Variants in CDH2 observed in about 807,000 individuals in gnomAD.
CDH2 encodes the protein cadherin-2.
In CDH2, 17 loss-of-function variants were observed where a neutral mutation model predicts 92.0. The ratio of observed to expected loss-of-function variants is 0.18; its 90% CI spans 0.13 to 0.28. The LOEUF (loss-of-function observed/expected upper bound fraction) is 0.28, where lower values mean the gene tolerates loss of function less well. Among genes scored for constraint, CDH2 ranks in the 10% least tolerant of loss-of-function variants. The pLI is 1.00. For missense variants in CDH2, 862 were observed against 1,133.1 expected, an observed-to-expected ratio of 0.76 and a Z score of 3.44; for synonymous variants, 419 against 415.9, an observed-to-expected ratio of 1.01 and a Z score of -0.09.
chr18:27,979,148 C>A (rs1040605935), intron 14 of CDH2, among the ~76,000 whole-genome samples: 2 of 152,052 alleles, frequency 1.3e-5, no homozygotes, highest in Admixed American at 1.3e-4. Flanking sequence ...TCTATAAGGA[C>A]CTCCTACAAG....
intron 2 of CDH2, among the ~76,000 whole-genome samples, chr18:28,143,129 T>C (rs2015981113): frequency 6.6e-6 from 1 of 152,064 alleles, no homozygotes; most frequent in Non-Finnish European, 1.5e-5. Flanking sequence ...AATGGATTAC[T>C]GAAAATATTC....
At chr18:28,174,935 T>C (rs1001712405) in intron 1 of CDH2, among the ~76,000 whole-genome samples, 6 of 152,184 alleles carry the variant, frequency 3.9e-5, no homozygotes, top group Admixed American at 2.0e-4. Flanking sequence ...AAAGTAAGAT[T>C]TGTAAAAAAT....
At chr18:28,054,036 C>T (rs1049830275) in intron 2 of CDH2, among the ~76,000 whole-genome samples, 2 of 152,130 alleles carry the variant, frequency 1.3e-5, no homozygotes, top group Admixed American at 6.5e-5. Context: ...AAGGGTGAGT[C>T]TGTGCTGTGA....
chr18:28,083,806 C>T (rs2014876397), intron 2 of CDH2, among the ~76,000 whole-genome samples: 1 of 152,122 alleles, frequency 6.6e-6, no homozygotes, highest in Non-Finnish European at 1.5e-5. Context: ...ACTAGTTAGC[C>T]CCAGGCCAGG....
At chr18:28,022,118 T>C (rs1278988905) in intron 2 of CDH2, among the ~76,000 whole-genome samples, 1 of 151,912 alleles carries the variant, frequency 6.6e-6, no homozygotes, top group Non-Finnish European at 1.5e-5. Context: ...AATTTGCTCA[T>C]AAATCTGAAA....
chr18:28,034,888 T>C (rs2013788037), intron 2 of CDH2, among the ~76,000 whole-genome samples: 1 of 152,028 alleles, frequency 6.6e-6, no homozygotes, highest in Non-Finnish European at 1.5e-5. Context: ...CCTCTAAAAG[T>C]AATGGATGTC....
chr18:28,049,502 G>A (rs1235268974), intron 2 of CDH2, among the ~76,000 whole-genome samples: 1 of 152,174 alleles, frequency 6.6e-6, no homozygotes, highest in African/African-American at 2.4e-5. Context: ...GATAACACGG[G>A]TGGAAAACAT....
intron 7 of CDH2, 23 bp downstream of exon 7, chr18:28,002,974 A>G: frequency 1.2e-6 from 2 of 1,608,022 alleles, no homozygotes; most frequent in Non-Finnish European, 1.7e-6. Context: ...AACAAACACA[A>G]ATAGAGTTTT....
At chr18:27,997,908 G>A (rs1010683860) in intron 7 of CDH2, among the ~76,000 whole-genome samples, 4 of 151,966 alleles carry the variant, frequency 2.6e-5, no homozygotes, top group African/African-American at 9.7e-5. Context: ...CCGGGTTCAC[G>A]CCATTCTCCT....
At chr18:28,040,272 A>C (rs1465197330) in intron 2 of CDH2, among the ~76,000 whole-genome samples, 1 of 152,054 alleles carries the variant, frequency 6.6e-6, no homozygotes, top group Non-Finnish European at 1.5e-5. Context: ...TAGTAATAGT[A>C]CTCCTAACTT....
At chr18:27,979,042 C>T (rs914678257) in intron 14 of CDH2, among the ~76,000 whole-genome samples, 9 of 151,976 alleles carry the variant, frequency 5.9e-5, no homozygotes, top group Non-Finnish European at 8.8e-5. Flanking sequence ...AAAAAAACTT[C>T]TGTTCACCTA....
At chr18:28,078,593 C>T (rs2014769347) in intron 2 of CDH2, among the ~76,000 whole-genome samples, 1 of 152,008 alleles carries the variant, frequency 6.6e-6, no homozygotes, top group African/African-American at 2.4e-5. Flanking sequence ...CCTGCCTCAA[C>T]TCCCTCATAT....
At chr18:28,054,169 C>T (rs1567980777) in intron 2 of CDH2, among the ~76,000 whole-genome samples, 1 of 152,120 alleles carries the variant, frequency 6.6e-6, no homozygotes, top group East Asian at 1.9e-4. Flanking sequence ...TACTAGAATA[C>T]AAGGAATCCT....
chr18:28,118,590 AGT>A (rs57324446), intron 2 of CDH2, among the ~76,000 whole-genome samples: 9,385 of 148,178 alleles, frequency 0.063, 397 homozygotes, highest in African/African-American at 0.12. Context: ...AATTTAGTTC[AGT>A]GTGTGTGTGT....
chr18:28,148,318 ATATT>A (rs1345405117), intron 1 of CDH2, among the ~76,000 whole-genome samples: 3 of 152,340 alleles, frequency 2.0e-5, no homozygotes, highest in Admixed American at 6.5e-5. Flanking sequence ...TCAAAACTAT[ATATT>A]TATTTCTATA....
chr18:28,067,506 T>G (rs2014532905), intron 2 of CDH2, among the ~76,000 whole-genome samples: 1 of 152,208 alleles, frequency 6.6e-6, no homozygotes, highest in South Asian at 2.1e-4. Context: ...GTGATTAGCT[T>G]CTTTCACTTA....
chr18:28,107,278 G>A (rs687598), intron 2 of CDH2, among the ~76,000 whole-genome samples: 67 of 151,846 alleles, frequency 4.4e-4, no homozygotes, highest in African/African-American at 1.6e-3. Flanking sequence ...GAAGTCTGTA[G>A]TACTGTAGTG....
At chr18:28,010,023 TC>T in intron 4 of CDH2, 151 bp from the exon 5 acceptor site, 1 of 510,694 alleles carries the variant, frequency 2.0e-6, no homozygotes, top group Non-Finnish European at 3.3e-6. Flanking sequence ...TGCCTGTTCT[TC>T]CTCTGCTTCT....
chr18:28,130,920 A>G (rs915071970), intron 2 of CDH2, among the ~76,000 whole-genome samples: 1 of 152,196 alleles, frequency 6.6e-6, no homozygotes, highest in Non-Finnish European at 1.5e-5. Context: ...AAAGTTAATT[A>G]AAAATTTAGA....
Sources: gnomAD v4.1 joint callset for allele counts (sites outside exome capture counted in the v4.1 genomes callset) on GRCh38, gnomAD v4.1.1 for gene constraint, MANE v1.5 for transcripts, NCBI Gene and HGNC (gene_info 2026-07-23, HGNC 2026-07-21) for gene names.